MINK1: variants seen among roughly 807,000 people sequenced by gnomAD.
MINK1 encodes misshapen like kinase 1.
Under a neutral mutation model 178.4 loss-of-function variants are expected in MINK1, and 46 were observed. The observed-to-expected ratio is 0.26, with a 90% CI of 0.20 to 0.33. The LOEUF (loss-of-function observed/expected upper bound fraction) is 0.33. Ranked by LOEUF, MINK1 falls within the 10% of genes least tolerant of loss-of-function variation. The pLI is 1.00. For missense variants in MINK1, 1,366 were observed against 1,814.9 expected (o/e 0.75, Z 4.49); for synonymous variants, 797 against 709.7 (o/e 1.12, Z -1.96).
intron 1 of MINK1, chr17:4,844,645 G>A (rs753711437): frequency 1.3e-4 from 59 of 462,342 alleles, no homozygotes; most frequent in Non-Finnish European, 2.1e-4. Context: ...CACGGGGCTC[G>A]TACCCAGAAC....
At chr17:4,882,710 G>C (rs1450416003) in intron 4 of MINK1, among the ~76,000 whole-genome samples, 1 of 152,208 alleles carries the variant, frequency 6.6e-6, no homozygotes, top group African/African-American at 2.4e-5. Flanking sequence ...GTACGTAAAC[G>C]AATGAGTGTG....
Position 4,895,054 on chromosome 17 carries a change from ACCTCCT to A in MINK1, c.2918-14_2918-9del. 1 of 1,611,222 alleles carries A rather than the reference ACCTCCT, an allele frequency of 6.2e-7. No homozygotes were observed. ...GTGAGAAGCTGCAGCCCCTCCTCCC[ACCTCCT>A]CCTCCTTCTGGCAGCCCTAGTGGGT... On this transcript the variant is annotated splice_polypyrimidine_tract_variant and intron_variant, in intron 24 of 31. Transcript: ENST00000355280. The surrounding 1 kb of genome is among the most constrained non-coding windows in gnomAD (Gnocchi z 4.3).
chr17:4,895,654 C>T lies in MINK1; in HGVS notation c.3230-44C>T, dbSNP rs1969373217. ...GGCCAGGGCGGTGGCATTCGGGCCTCAGATGAGAATGGGGGCGGGTGTGTA... is the reference window on the plus strand; with the variant it reads ...GGCCAGGGCGGTGGCATTCGGGCCTTAGATGAGAATGGGGGCGGGTGTGTA... On this transcript the variant is annotated intron_variant, in intron 26 of 31. Coordinates refer to ENST00000355280, the MANE Select transcript of MINK1 (RefSeq NM_153827.5). This position sits in a 1 kb window ranked among gnomAD's most constrained non-coding sequence, Gnocchi z 4.3. 1.2e-6 allele frequency: 2 copies of T among 1,603,450 alleles called. No individual in the cohort carries two copies. Among genetic ancestry groups the T allele is most frequent in the Admixed American group, 1.7e-5 (1 of 59,018 alleles).
chr17:4,842,905 C>A (rs538937737), intron 1 of MINK1, among the ~76,000 whole-genome samples: 5 of 152,276 alleles, frequency 3.3e-5, no homozygotes, highest in Admixed American at 1.3e-4. Context: ...GTAGAAGACA[C>A]CTTGCCCTAG....
Position 4,894,269 on chromosome 17 carries a change from C to T in MINK1, c.2766C>T (p.Asn922=). The T allele has an allele frequency of 1.2e-6, 2 of 1,613,268 alleles. No homozygotes were observed. Among genetic ancestry groups the T allele is most frequent in the Admixed American group, 1.7e-5 (1 of 60,004 alleles). Residue 922 remains asparagine (N), a synonymous_variant, in exon 23 of 32, where the codon AAC becomes AAT. Coordinates refer to ENST00000355280, the MANE Select transcript of MINK1 (RefSeq NM_153827.5). The surrounding 1 kb of genome is among the most constrained non-coding windows in gnomAD (Gnocchi z 4.1). ...AGCCCAGCCACTCACCCACCGAGAA[C>T]AGCAAAGGCCAAAGCCCACCCTCGA... ...VVQPSHSPTE[N]SKGQSPPSKD...
At chr17:4,888,790 C>T (rs1357709505) in intron 12 of MINK1, among the ~76,000 whole-genome samples, 1 of 149,916 alleles carries the variant, frequency 6.7e-6, no homozygotes, top group East Asian at 2.0e-4. Flanking sequence ...CTCCGTCTCC[C>T]AGGTTCAAGT....
intron 1 of MINK1, among the ~76,000 whole-genome samples, chr17:4,840,739 G>A (rs563155325): frequency 6.6e-6 from 1 of 152,338 alleles, no homozygotes. Flanking sequence ...TTGTATACAA[G>A]TAAAGGATGA....
At chr17:4,858,888 G>T (rs1913631466) in intron 1 of MINK1, among the ~76,000 whole-genome samples, 1 of 152,170 alleles carries the variant, frequency 6.6e-6, no homozygotes, top group Non-Finnish European at 1.5e-5. Flanking sequence ...GGAAAGGAGG[G>T]GTCTCTCCCA....
rs1908799367 is a variant in MINK1, at chr17:4,833,556, C to A, written c.-28C>A. The A allele has an allele frequency of 8.1e-6, 12 of 1,487,350 alleles. No individual in the cohort carries two copies. Among genetic ancestry groups the A allele is most frequent in the Non-Finnish European group, 1.1e-5 (12 of 1,121,810 alleles). The allele number at this position is 1,487,350 out of a possible 1,614,324, so 92.1% of individuals were successfully genotyped here. On this transcript the variant is annotated 5_prime_UTR_variant, in exon 1 of 32. Transcript: ENST00000355280. The surrounding 1 kb of genome is among the most constrained non-coding windows in gnomAD (Gnocchi z 4.8). ...AGTAACCGAGCCGGAGCGTGAGCGG[C>A]CCCGGTGCCCCGTTCCCCACGGAGG...
In MINK1 at chr17:4,886,871, A is replaced by G. The variant is rs1312539933; in HGVS notation, c.950-239A>G. The stretch of plus-strand genomic sequence containing the variant: ...TCCTTACAAAAACTCCATGCTAAGC[A>G]CATGTGTGTGCGAGCACAAGCACAG... On this transcript the variant is annotated intron_variant, in intron 10 of 31. Transcript: ENST00000355280. The surrounding 1 kb of genome is among the most constrained non-coding windows in gnomAD (Gnocchi z 6.1). Among the ~76,000 whole-genome samples, 2 of 152,226 alleles carry G rather than the reference A, an allele frequency of 1.3e-5. No individual in the cohort carries two copies. The highest frequency in any genetic ancestry group is 4.8e-5 in the African/African-American group (2 of 41,468).
chr17:4,844,278 A>G (rs1910676821), intron 1 of MINK1, among the ~76,000 whole-genome samples: 1 of 152,010 alleles, frequency 6.6e-6, no homozygotes, highest in Non-Finnish European at 1.5e-5. Flanking sequence ...TGGGATTACA[A>G]ATGTGAGCCA....
At chr17:4,855,200 A>AAAG (rs947427080) in intron 1 of MINK1, among the ~76,000 whole-genome samples, 1 of 148,674 alleles carries the variant, frequency 6.7e-6, no homozygotes, top group Non-Finnish European at 1.5e-5. Context: ...TAAAAAAAAA[A>AAAG]AAAAGGCCAG....
chr17:4,834,659 C>T (rs1909014719), intron 1 of MINK1: 1 of 458,238 alleles, frequency 2.2e-6, no homozygotes, highest in South Asian at 1.6e-5. Flanking sequence ...GCTTAAGGGG[C>T]AACTTAGTGA....
intron 1 of MINK1, among the ~76,000 whole-genome samples, chr17:4,849,823 T>G (rs1225344865): frequency 6.6e-6 from 1 of 152,202 alleles, no homozygotes; most frequent in African/African-American, 2.4e-5. Context: ...TCCGCCCGCC[T>G]CGGCCTCCCA....
At chr17:4,869,311 C>T (rs1915529638) in intron 1 of MINK1, among the ~76,000 whole-genome samples, 1 of 151,674 alleles carries the variant, frequency 6.6e-6, no homozygotes, top group Non-Finnish European at 1.5e-5. Context: ...CGTTTCACTC[C>T]TATCGCCCAG....
At chr17:4,873,129 A>G (rs1347213120) in intron 1 of MINK1, among the ~76,000 whole-genome samples, 1 of 151,860 alleles carries the variant, frequency 6.6e-6, no homozygotes, top group Non-Finnish European at 1.5e-5. Flanking sequence ...CTCCATGACC[A>G]TCTCCTCTTC....
At position 4,894,663 on chromosome 17, in the gene MINK1, G is replaced by T. The variant is rs1408843927; in HGVS notation, c.2917+30G>T. On this transcript the variant is annotated intron_variant, in intron 24 of 31. Coordinates refer to ENST00000355280, the MANE Select transcript of MINK1 (RefSeq NM_153827.5). This position sits in a 1 kb window ranked among gnomAD's most constrained non-coding sequence, Gnocchi z 4.1. ...GGACAGGAGGACAGACCTGCTGTGA[G>T]GCCAGGGTCCAGGGGCAGCCTGGAG... 1.3e-6 allele frequency: 2 copies of T among 1,550,804 alleles called. No homozygotes were observed.
chr17:4,886,692 C>T lies in MINK1; in HGVS notation c.949+66C>T, dbSNP rs149150439. On this transcript the variant is annotated intron_variant, in intron 10 of 31. Transcript: ENST00000355280. The surrounding 1 kb of genome is among the most constrained non-coding windows in gnomAD (Gnocchi z 6.1). ...TCCAGCCTGGCTCCTCTCTGCCAGCCCTGCTCGCTCCTGGCACCCCTTCCT... is the reference window on the plus strand; with the variant it reads ...TCCAGCCTGGCTCCTCTCTGCCAGCTCTGCTCGCTCCTGGCACCCCTTCCT... 4.9e-5 allele frequency: 70 copies of T among 1,434,162 alleles called. No homozygotes were observed. In the African/African-American group the frequency reaches 9.3e-4, roughly 19 times the overall value. 88.8% of individuals were successfully genotyped at this position (1,434,162 alleles called of 1,614,324 possible). A position where few individuals can be genotyped will look rare whatever the true frequency, so the allele number is the denominator to read the frequency against.
Position 4,897,346 on chromosome 17 carries a change from T to G in MINK1, c.*59T>G. 1.3e-6 allele frequency: 2 copies of G among 1,517,670 alleles called. No individual in the cohort carries two copies. Among genetic ancestry groups the G allele is most frequent in the South Asian group, 2.3e-5 (2 of 87,634 alleles). The allele number at this position is 1,517,670 out of a possible 1,614,324, so 94.0% of individuals were successfully genotyped here. A position where few individuals can be genotyped will look rare whatever the true frequency, so the allele number is the denominator to read the frequency against. On this transcript the variant is annotated 3_prime_UTR_variant, in exon 32 of 32. Transcript: ENST00000355280. ...CCCAGCTCTCCCCCTGCAGCCAGGC[T>G]TCCCGGGCCGCCCCTCTTTCCCCTC... is the stretch of plus-strand genomic sequence containing the variant.
Sources: allele counts gnomAD v4.1 joint callset (sites outside exome capture counted in the v4.1 genomes callset), GRCh38; gene constraint gnomAD v4.1.1; non-coding constraint Gnocchi (gnomAD v3.1); transcripts MANE v1.5; gene names NCBI Gene and HGNC (gene_info 2026-07-23, HGNC 2026-07-21).